The following GAD2 variants were observed in gnomAD, a reference collection of about 807,000 sequenced individuals.
GAD2 encodes the protein glutamate decarboxylase 2.
GAD2 carries 22 observed loss-of-function variants against 80.1 expected under a neutral mutation model. The ratio of observed to expected loss-of-function variants is 0.27; its 90% CI spans 0.20 to 0.39. The LOEUF is 0.39. Among genes scored for constraint, GAD2 ranks in the 10% least tolerant of loss-of-function variants. The probability of loss-of-function intolerance (pLI) is 1.00; values close to 1 mark genes in which losing one functional copy is unlikely to be tolerated. For synonymous variants in GAD2, 274 were observed against 256.9 expected, an observed-to-expected ratio of 1.07 and a Z score of -0.64; for missense variants, 624 against 738.4, an observed-to-expected ratio of 0.85 and a Z score of 1.80.
chr10:26,268,913 C>T (rs1346555385), intron 8 of GAD2, among the ~76,000 whole-genome samples: 2 of 152,172 alleles, frequency 1.3e-5, no homozygotes, highest in African/African-American at 4.8e-5. Flanking sequence ...AATACGGTCA[C>T]AAGTCTGCAA....
At chr10:26,274,823 A>G (rs1845179628) in intron 11 of GAD2, among the ~76,000 whole-genome samples, 1 of 152,216 alleles carries the variant, frequency 6.6e-6, no homozygotes, top group Admixed American at 6.5e-5. Flanking sequence ...AATGGAAAGA[A>G]GGCAAAAAAG....
chr10:26,270,943 A>G (rs1284748125), intron 10 of GAD2, among the ~76,000 whole-genome samples, 187 bp downstream of exon 10: 1 of 152,170 alleles, frequency 6.6e-6, no homozygotes, highest in Admixed American at 6.5e-5. Context: ...CGTGCACCAG[A>G]AGCATCCCAA....
intron 7 of GAD2, among the ~76,000 whole-genome samples, chr10:26,234,036 A>C (rs1844639170): frequency 6.6e-6 from 1 of 151,950 alleles, no homozygotes. Flanking sequence ...AAAAAACAAC[A>C]ACCTCAGCCG....
intron 12 of GAD2, among the ~76,000 whole-genome samples, chr10:26,285,201 A>C (rs1190839460): frequency 2.6e-5 from 4 of 152,342 alleles, no homozygotes; most frequent in African/African-American, 4.8e-5. Context: ...ATATATGTGA[A>C]GCCTAAACTA....
intron 7 of GAD2, among the ~76,000 whole-genome samples, chr10:26,239,609 C>A (rs1375186205): frequency 6.6e-6 from 1 of 152,164 alleles, no homozygotes; most frequent in Non-Finnish European, 1.5e-5. Context: ...CTGCTGTGTT[C>A]TCGTAGTGGA....
chr10:26,273,571 A>T, intron 10 of GAD2, 65 bp from the exon 11 acceptor site: 6 of 1,351,194 alleles, frequency 4.4e-6, no homozygotes, highest in Non-Finnish European at 6.4e-6. Flanking sequence ...CTAGAAAGAC[A>T]CCAGACTATA....
intron 10 of GAD2, among the ~76,000 whole-genome samples, chr10:26,271,932 G>T (rs555772939): frequency 6.6e-6 from 1 of 152,116 alleles, no homozygotes; most frequent in Admixed American, 6.5e-5. Flanking sequence ...GCTAATTTTT[G>T]CAATTTTAGT....
chr10:26,224,927 G>A (rs7099569), intron 6 of GAD2, among the ~76,000 whole-genome samples: 6,015 of 152,268 alleles, frequency 0.04, 384 homozygotes, highest in African/African-American at 0.14. Context: ...CAAACAGGAT[G>A]TACGGATAAT....
chr10:26,244,645 A>G (rs1844783107), intron 7 of GAD2, among the ~76,000 whole-genome samples: 1 of 152,192 alleles, frequency 6.6e-6, no homozygotes, highest in South Asian at 2.1e-4. Context: ...CAAATACTGT[A>G]TGTTCCACTT....
At chr10:26,270,501 G>C (rs1845122182) in intron 9 of GAD2, 139 bp from the exon 10 acceptor site, 1 of 704,286 alleles carries the variant, frequency 1.4e-6, no homozygotes, top group Non-Finnish European at 2.6e-6. Context: ...CCCAGACCCC[G>C]GGGTGTCAGT....
chr10:26,278,691 C>T (rs1052041003), intron 11 of GAD2, among the ~76,000 whole-genome samples: 1 of 152,212 alleles, frequency 6.6e-6, no homozygotes, highest in African/African-American at 2.4e-5. Context: ...CTTTAGTCTT[C>T]TCTCCAGGGG....
At chr10:26,273,821 T>C (rs1845166905) in intron 11 of GAD2, 121 bp downstream of exon 11, 2 of 758,282 alleles carry the variant, frequency 2.6e-6, no homozygotes, top group Middle Eastern at 2.4e-4. Flanking sequence ...TCAGTGCTTG[T>C]GTTCCTTGCC....
upstream of GAD2, chr10:26,216,763 G>T: frequency 1.9e-6 from 3 of 1,554,692 alleles, no homozygotes; most frequent in Non-Finnish European, 2.6e-6. The surrounding 1 kb of genome is among the most constrained non-coding windows in gnomAD (Gnocchi z 4.7). Context: ...GAGGCAGCTC[G>T]CCCGCAGCTC....
chr10:26,255,300 TC>T (rs1262665398), intron 8 of GAD2, among the ~76,000 whole-genome samples: 1 of 152,352 alleles, frequency 6.6e-6, no homozygotes, highest in East Asian at 1.9e-4. Context: ...CAACTGCCCA[TC>T]AGCATGACTT....
intron 15 of GAD2, among the ~76,000 whole-genome samples, chr10:26,294,089 C>T (rs187783792): frequency 6.6e-6 from 1 of 152,306 alleles, no homozygotes; most frequent in East Asian, 1.9e-4. Context: ...TATGCAGGAC[C>T]TGTCCCCCAT....
At chr10:26,263,330 G>C (rs112705025) in intron 8 of GAD2, among the ~76,000 whole-genome samples, 2 of 152,140 alleles carry the variant, frequency 1.3e-5, no homozygotes, top group African/African-American at 4.8e-5. Context: ...ATAGCAAATA[G>C]GAAGTTCACT....
At chr10:26,237,403 C>G (rs1412502972) in intron 7 of GAD2, among the ~76,000 whole-genome samples, 1 of 152,078 alleles carries the variant, frequency 6.6e-6, no homozygotes, top group Admixed American at 6.6e-5. Context: ...GATGATGATA[C>G]CCAGCTCCCG....
intron 8 of GAD2, among the ~76,000 whole-genome samples, chr10:26,253,878 A>ATCT (rs1844911770): frequency 1.3e-5 from 2 of 152,022 alleles, no homozygotes; most frequent in African/African-American, 2.4e-5. Flanking sequence ...CCAGGTCCCC[A>ATCT]ACCTTTTTGG....
At position 26,302,238 on chromosome 10, in the gene GAD2, G is replaced by A. The variant is rs1013957783; in HGVS notation, c.*1277G>A. On this transcript the variant is annotated 3_prime_UTR_variant, in exon 16 of 16. Coordinates refer to ENST00000376261, the MANE Select transcript of GAD2 (RefSeq NM_001134366.2). ...CTCCCTACCACTGGGACCCAAAATA[G>A]TTACTTTATATTCCATGGGTGGTTG... The A allele has an allele frequency of 1.3e-5, 2 of 151,926 alleles. No individual in the cohort carries two copies. The highest frequency in any genetic ancestry group is 4.8e-5 in the African/African-American group (2 of 41,326). The allele number at this position is 151,926 out of a possible 1,614,324, so 9.4% of individuals were successfully genotyped here.
Sources: gnomAD v4.1 joint callset for allele counts (sites outside exome capture counted in the v4.1 genomes callset) on GRCh38, gnomAD v4.1.1 for gene constraint, Gnocchi (gnomAD v3.1) non-coding constraint, MANE v1.5 for transcripts, NCBI Gene and HGNC (gene_info 2026-07-23, HGNC 2026-07-21) for gene names.